The following FRMD5 variants were observed in gnomAD, a reference collection of about 807,000 sequenced individuals.
FRMD5 encodes the protein FERM domain containing 5.
FRMD5 carries 20 observed loss-of-function variants against 69.0 expected under a neutral mutation model. The ratio of observed to expected loss-of-function variants is 0.29; its 90% CI spans 0.20 to 0.42. The LOEUF is 0.42. Among genes scored for constraint, FRMD5 ranks in the 10% least tolerant of loss-of-function variants. The probability of loss-of-function intolerance (pLI) is 1.00; values close to 1 mark genes in which losing one functional copy is unlikely to be tolerated. For missense variants in FRMD5, 595 were observed against 708.6 expected (o/e 0.84, Z 1.82); for synonymous variants, 271 against 260.1 (o/e 1.04, Z -0.40).
At chr15:44,067,078 G>C (rs988815627) in intron 1 of FRMD5, among the ~76,000 whole-genome samples, 8 of 152,076 alleles carry the variant, frequency 5.3e-5, no homozygotes, top group African/African-American at 1.9e-4. Context: ...TTTTGAAAAG[G>C]AAAATTCCCG....
chr15:44,184,700 G>A (rs987930352), intron 1 of FRMD5, among the ~76,000 whole-genome samples: 5 of 152,156 alleles, frequency 3.3e-5, no homozygotes, highest in African/African-American at 1.2e-4. Flanking sequence ...GATAATAAGA[G>A]ATGAACAGAA....
intron 1 of FRMD5, among the ~76,000 whole-genome samples, chr15:44,016,449 G>A (rs555297740): frequency 7.9e-5 from 12 of 152,214 alleles, no homozygotes; most frequent in South Asian, 6.2e-4. Flanking sequence ...GAGGTTGGGC[G>A]CAGTGGTTCA....
rs572283271 is a variant in FRMD5, at chr15:44,068,153, T to C, written c.102+126800A>G. Among the ~76,000 whole-genome samples, 15 of 152,308 alleles carry C rather than the reference T, an allele frequency of 9.8e-5. No individual in the cohort carries two copies. The East Asian group carries it at 2.7e-3, about 27-fold the overall frequency. ...ACATATTGCTGGTGGTAATATAAAA[T>C]GGTTCAGCCATTTTGGGAAACAGTT... On this transcript the variant is annotated intron_variant, in intron 1 of 13. Transcript: ENST00000417257.
intron 5 of FRMD5, among the ~76,000 whole-genome samples, chr15:43,909,043 C>T (rs1413563832): frequency 6.6e-6 from 1 of 152,030 alleles, no homozygotes; most frequent in Non-Finnish European, 1.5e-5. Context: ...AGTAAGATCT[C>T]AGGCGCAGTT....
chr15:44,067,361 A>G (rs1893354433), intron 1 of FRMD5, among the ~76,000 whole-genome samples: 1 of 152,210 alleles, frequency 6.6e-6, no homozygotes, highest in African/African-American at 2.4e-5. Context: ...CAAATAAAAA[A>G]TAGTTAAAAT....
intron 1 of FRMD5, among the ~76,000 whole-genome samples, chr15:43,978,982 A>T (rs768450327): frequency 6.6e-6 from 1 of 152,230 alleles, no homozygotes; most frequent in Non-Finnish European, 1.5e-5. Context: ...ATCTCCAGTA[A>T]GTAAGCTTGT....
chr15:44,195,020 C>A lies in FRMD5; in HGVS notation c.35G>T (p.Ser12Ile). The change falls in exon 1 of 14, where the codon AGC becomes ATC. Residue 12 changes from serine to isoleucine, a missense_variant. By Grantham distance (142) the Ser-to-Ile change is moderately radical (BLOSUM62 -2). Around this residue, in one of 5 missense-constraint regions of FRMD5, gnomAD observed 44 missense variants for 33.6 expected, o/e 1.31. Transcript: ENST00000417257. Reference sequence around the variant, plus strand: ...GGTGCAGCTGTACTCGCGCTCCAGGCTCCTGCTGCTGCCGCTCATCAACCT... The same window carrying A: ...GGTGCAGCTGTACTCGCGCTCCAGGATCCTGCTGCTGCCGCTCATCAACCT... ...LSRLMSGSSR[S>I]LEREYSCTVR... is the part of the protein sequence containing the mutation. 1 of 1,557,176 alleles carries A rather than the reference C, an allele frequency of 6.4e-7. No homozygotes were observed. The highest frequency in any genetic ancestry group is 1.4e-5 in the African/African-American group (1 of 72,132).
intron 1 of FRMD5, among the ~76,000 whole-genome samples, chr15:44,075,006 A>G (rs1377084041): frequency 6.6e-6 from 1 of 152,206 alleles, no homozygotes; most frequent in Non-Finnish European, 1.5e-5. Context: ...CTGGGTGATG[A>G]GCAGCCATTA....
intron 1 of FRMD5, among the ~76,000 whole-genome samples, chr15:44,123,585 A>T (rs28438013): frequency 7.9e-5 from 12 of 151,316 alleles, no homozygotes; most frequent in East Asian, 5.8e-4. Flanking sequence ...AATATTTTTT[A>T]AAAAATAAAG....
intron 7 of FRMD5, among the ~76,000 whole-genome samples, chr15:43,898,499 T>C (rs1189098132): frequency 6.6e-6 from 1 of 152,208 alleles, no homozygotes; most frequent in Admixed American, 6.5e-5. Flanking sequence ...TTCAAGACTC[T>C]TAACAACAAG....
intron 1 of FRMD5, among the ~76,000 whole-genome samples, chr15:43,988,056 G>A (rs528326821): frequency 9.9e-5 from 15 of 152,184 alleles, no homozygotes; most frequent in African/African-American, 3.1e-4. Flanking sequence ...TGGGGTTCAT[G>A]CTCCTATGAG....
chr15:43,930,784 A>G (rs1259600200), intron 1 of FRMD5, among the ~76,000 whole-genome samples: 1 of 152,226 alleles, frequency 6.6e-6, no homozygotes, highest in African/African-American at 2.4e-5. Context: ...GCTCATCGCC[A>G]CATGGTGTGA....
At chr15:43,914,031 T>A (rs2089337937) in intron 4 of FRMD5, among the ~76,000 whole-genome samples, 1 of 152,228 alleles carries the variant, frequency 6.6e-6, no homozygotes, top group South Asian at 2.1e-4. Flanking sequence ...TCCATTTTTG[T>A]TTGAATGCTA....
intron 1 of FRMD5, among the ~76,000 whole-genome samples, chr15:43,937,582 G>A (rs576859904): frequency 2.0e-5 from 3 of 150,578 alleles, no homozygotes; most frequent in African/African-American, 7.3e-5. Context: ...AGGTTGCAGT[G>A]AGCCAAGATC....
At chr15:44,048,119 T>C (rs1281853617) in intron 1 of FRMD5, among the ~76,000 whole-genome samples, 5 of 152,198 alleles carry the variant, frequency 3.3e-5, no homozygotes. Flanking sequence ...ACATAGAGTT[T>C]AACTTATTGA....
intron 1 of FRMD5, among the ~76,000 whole-genome samples, chr15:44,087,624 C>T (rs1245941796): frequency 6.6e-6 from 1 of 152,060 alleles, no homozygotes; most frequent in Non-Finnish European, 1.5e-5. Flanking sequence ...TAGAACCCAT[C>T]CCAAAATTGT....
intron 1 of FRMD5, among the ~76,000 whole-genome samples, chr15:44,095,259 G>A (rs1008746132): frequency 1.3e-5 from 2 of 151,170 alleles, no homozygotes; most frequent in Admixed American, 1.3e-4. Flanking sequence ...CTGCAGTGCA[G>A]TGGTACAACT....
intron 1 of FRMD5, among the ~76,000 whole-genome samples, chr15:44,081,930 A>G (rs1263732075): frequency 6.6e-6 from 1 of 151,962 alleles, no homozygotes; most frequent in African/African-American, 2.4e-5. Flanking sequence ...TGAACCCAAA[A>G]CGTCAACACC....
intron 1 of FRMD5, among the ~76,000 whole-genome samples, chr15:44,190,075 T>A (rs2078168863): frequency 6.6e-6 from 1 of 152,186 alleles, no homozygotes; most frequent in Admixed American, 6.5e-5. Context: ...CTGTCCTTCC[T>A]GGGCACTACA....
Sources: allele counts gnomAD v4.1 joint callset (sites outside exome capture counted in the v4.1 genomes callset), GRCh38; gene constraint gnomAD v4.1.1; regional missense constraint gnomAD v4.1.1; transcripts MANE v1.5; gene names NCBI Gene and HGNC (gene_info 2026-07-23, HGNC 2026-07-21).